Variants in TMX4 observed in about 807,000 individuals in gnomAD.
The protein encoded by TMX4 is thioredoxin-related transmembrane protein 4.
Under a neutral mutation model 33.3 loss-of-function variants are expected in TMX4, and 23 were observed. The observed-to-expected ratio is 0.69, with a 90% CI of 0.50 to 0.98. The LOEUF (loss-of-function observed/expected upper bound fraction) is 0.98. TMX4 is among the 50% of genes least tolerant of loss of function. The pLI is 0.00. For synonymous variants in TMX4, 164 were observed against 161.5 expected, an observed-to-expected ratio of 1.02 and a Z score of -0.12; for missense variants, 399 against 448.9, an observed-to-expected ratio of 0.89 and a Z score of 1.01.
intron 5 of TMX4, among the ~76,000 whole-genome samples, chr20:7,994,563 G>A (rs1345045266): frequency 6.6e-6 from 1 of 152,186 alleles, no homozygotes; most frequent in Non-Finnish European, 1.5e-5. Context: ...GTCTTTGAAA[G>A]TAAAACTTCT....
intron 1 of TMX4, among the ~76,000 whole-genome samples, chr20:8,012,665 T>C (rs1250992929): frequency 6.6e-6 from 1 of 152,186 alleles, no homozygotes; most frequent in Non-Finnish European, 1.5e-5. Context: ...TGCATATAAA[T>C]CACAGGCACA....
chr20:7,983,629 A>G (rs2050618475), intron 7 of TMX4, among the ~76,000 whole-genome samples, 165 bp downstream of exon 7: 2 of 152,250 alleles, frequency 1.3e-5, no homozygotes, highest in Admixed American at 6.5e-5. Context: ...AGGGAGAAAA[A>G]TAATTTTGTT....
chr20:8,019,443 C>T lies in TMX4; in HGVS notation c.171G>A (p.Leu57=), dbSNP rs577143872. 6 of 1,517,390 alleles carry T rather than the reference C, an allele frequency of 4.0e-6. No homozygotes were observed. The African/African-American group carries it at 4.3e-5, about 11-fold the overall frequency. The allele number at this position is 1,517,390 out of a possible 1,614,324, so 94.0% of individuals were successfully genotyped here. The part of the protein sequence containing the change: ...WTLVMEGEWM[L]KFYAPWCPSC... The stretch of plus-strand genomic sequence containing the variant: ...GGGCGGGCGGGCACACTCACAATTT[C>T]AGCATCCACTCGCCCTCCATCACCA... The change falls in exon 1 of 8, where the codon CTG becomes CTA. Residue 57 remains leucine, a synonymous_variant. Coordinates refer to ENST00000246024, the MANE Select transcript of TMX4 (RefSeq NM_021156.4).
chr20:7,978,207 TAACCTATTGATACGAGCAACAG>T lies in TMX4; in HGVS notation c.*4022_*4043del, dbSNP rs1470700725. ...GTAACACCAAGATGAGGGACACAGA[TAACCTATTGATACGAGCAACAG>T]AACCAGCCTCCCTCTTCTTTCTCTC... On this transcript the variant is annotated 3_prime_UTR_variant, in exon 8 of 8. Transcript: ENST00000246024. The T allele has an allele frequency of 6.6e-6, 1 of 152,186 alleles. No individual in the cohort carries two copies. Among genetic ancestry groups the T allele is most frequent in the Non-Finnish European group, 1.5e-5 (1 of 68,032 alleles). 9.4% of individuals were successfully genotyped at this position (152,186 alleles called of 1,614,324 possible). A position where few individuals can be genotyped will look rare whatever the true frequency, so the allele number is the denominator to read the frequency against.
intron 5 of TMX4, among the ~76,000 whole-genome samples, chr20:7,990,468 G>A (rs1418225453): frequency 6.6e-6 from 1 of 152,176 alleles, no homozygotes; most frequent in Non-Finnish European, 1.5e-5. Context: ...TAAATGAGAA[G>A]AGCATTCTAA....
chr20:7,995,589 G>C (rs1318827217), intron 5 of TMX4, among the ~76,000 whole-genome samples: 2 of 152,120 alleles, frequency 1.3e-5, no homozygotes, highest in Non-Finnish European at 2.9e-5. Flanking sequence ...AATAGGTAAT[G>C]AATAAATGTA....
intron 2 of TMX4, among the ~76,000 whole-genome samples, chr20:8,002,301 C>T (rs2050710752): frequency 6.6e-6 from 1 of 152,086 alleles, no homozygotes; most frequent in Admixed American, 6.6e-5. Flanking sequence ...TGAATAAAAA[C>T]ATGTACAACC....
chr20:7,993,690 A>C (rs2050664421), intron 5 of TMX4, among the ~76,000 whole-genome samples: 1 of 152,150 alleles, frequency 6.6e-6, no homozygotes, highest in Non-Finnish European at 1.5e-5. Flanking sequence ...ACTTATTTCT[A>C]AGAATAAATC....
intron 5 of TMX4, among the ~76,000 whole-genome samples, chr20:7,993,376 T>C (rs544449987): frequency 6.6e-6 from 1 of 152,308 alleles, no homozygotes; most frequent in South Asian, 2.1e-4. Context: ...ACAAATACGT[T>C]TGCCACAATT....
Position 8,001,535 on chromosome 20 carries a change from C to T in TMX4, c.299G>A (p.Ser100Asn). Residue 100 changes from serine to asparagine, a missense_variant, in exon 3 of 8, where the codon AGT (serine) becomes AAT (asparagine). By Grantham distance (46) the Ser-to-Asn change is conservative. Transcript: ENST00000246024. ...KVDVIQEPGL[S>N]GRFFVTTLPA... Reference sequence around the variant, plus strand: ...GAGAGTGGTGACAAAGAAGCGGCCACTCAAACCTACAAGAAGCATAAACAG... The same window carrying T: ...GAGAGTGGTGACAAAGAAGCGGCCATTCAAACCTACAAGAAGCATAAACAG... 1.9e-6 allele frequency: 3 copies of T among 1,599,682 alleles called. No individual in the cohort carries two copies. Among genetic ancestry groups the T allele is most frequent in the Non-Finnish European group, 2.6e-6 (3 of 1,171,242 alleles).
intron 2 of TMX4, among the ~76,000 whole-genome samples, chr20:8,008,354 C>G (rs1296420481): frequency 2.0e-5 from 3 of 152,048 alleles, no homozygotes; most frequent in East Asian, 3.9e-4. Context: ...AGAAGTTTTT[C>G]CTTCTTCTTT....
intron 1 of TMX4, among the ~76,000 whole-genome samples, chr20:8,012,082 C>T (rs2050755233): frequency 6.6e-6 from 1 of 152,068 alleles, no homozygotes; most frequent in African/African-American, 2.4e-5. Flanking sequence ...ACAGATGAGA[C>T]TCAGGCAGTT....
At chr20:7,991,887 G>A (rs1029052182) in intron 5 of TMX4, among the ~76,000 whole-genome samples, 1 of 150,980 alleles carries the variant, frequency 6.6e-6, no homozygotes, top group South Asian at 2.1e-4. Context: ...AAACAATGAT[G>A]TGTTTCTGGA....
chr20:7,994,683 A>G (rs574079131), intron 5 of TMX4, among the ~76,000 whole-genome samples: 1 of 152,304 alleles, frequency 6.6e-6, no homozygotes, highest in Admixed American at 6.5e-5. Context: ...TTCACAGTCA[A>G]TGCTGCCTGA....
intron 2 of TMX4, 142 bp from the exon 3 acceptor site, chr20:8,001,683 C>A: frequency 3.8e-6 from 3 of 791,912 alleles, no homozygotes; most frequent in African/African-American, 1.8e-5. Context: ...ACAGAAATTT[C>A]ATTTCTACCT....
At position 7,996,087 on chromosome 20, in the gene TMX4, A is replaced by T. The variant is rs372867478; in HGVS notation, c.468-16T>A. On this transcript the variant is annotated splice_polypyrimidine_tract_variant and intron_variant, in intron 4 of 7. Coordinates refer to ENST00000246024, the MANE Select transcript of TMX4 (RefSeq NM_021156.4). ...TCCAGACATCCTTAAAAAAAAATAA[A>T]GAGAAGAAACAGTGATCATATATAC... The T allele has an allele frequency of 3.7e-6, 6 of 1,607,686 alleles. No homozygotes were observed. In the African/African-American group the frequency reaches 8.0e-5, roughly 22 times the overall value.
intron 2 of TMX4, among the ~76,000 whole-genome samples, chr20:8,003,390 C>T (rs1160545304): frequency 1.3e-5 from 2 of 152,032 alleles, no homozygotes; most frequent in East Asian, 3.8e-4. Context: ...GACAAGATTT[C>T]TATTAAATGT....
chr20:8,012,702 T>A (rs1317075315), intron 1 of TMX4, among the ~76,000 whole-genome samples: 1 of 143,540 alleles, frequency 7.0e-6, no homozygotes, highest in African/African-American at 2.5e-5. Flanking sequence ...TTATGTTTCA[T>A]AATTTAAAAA....
At position 7,979,724 on chromosome 20, in the gene TMX4, T is replaced by TG. The variant is rs1283893252; in HGVS notation, c.*2526dup. ...ATTGCAGCCTGGGCGACAACAAGAG[T>TG]GAAACTCCATCTCAAAAAAAAAAAA... On this transcript the variant is annotated 3_prime_UTR_variant, in exon 8 of 8. Transcript: ENST00000246024. The TG allele has an allele frequency of 7.0e-6, 1 of 142,874 alleles. No individual in the cohort carries two copies. The highest frequency in any genetic ancestry group is 1.5e-5 in the Non-Finnish European group (1 of 66,058). The allele number at this position is 142,874 out of a possible 1,614,324, so 8.9% of individuals were successfully genotyped here. A position where few individuals can be genotyped will look rare whatever the true frequency, so the allele number is the denominator to read the frequency against.
Sources: gnomAD v4.1 joint callset for allele counts (sites outside exome capture counted in the v4.1 genomes callset) on GRCh38, gnomAD v4.1.1 for gene constraint, MANE v1.5 for transcripts, NCBI Gene and HGNC (gene_info 2026-07-23, HGNC 2026-07-21) for gene names.